The following PRODH2 variants were observed in gnomAD, a reference collection of about 807,000 sequenced individuals.
PRODH2 encodes the protein hydroxyproline dehydrogenase.
Under a neutral mutation model 51.9 loss-of-function variants are expected in PRODH2, and 49 were observed. The observed-to-expected ratio is 0.94, with a 90% CI of 0.75 to 1.20. The LOEUF is 1.20. PRODH2 is among the 50% of genes most tolerant of loss of function. PRODH2 has a pLI of 0.00. For synonymous variants in PRODH2, 249 were observed against 260.7 expected (o/e 0.96, Z 0.43); for missense variants, 597 against 610.9 (o/e 0.98, Z 0.24).
At chr19:35,802,451 C>A (rs1599817399) in intron 8 of PRODH2, 175 bp from the exon 9 acceptor site, 2 of 654,328 alleles carry the variant, frequency 3.1e-6, no homozygotes, top group Middle Eastern at 3.3e-4. Context: ...TGACTCCCAG[C>A]CAGTTCCCTG....
Position 35,807,052 on chromosome 19 carries a change from G to A in PRODH2, c.667C>T (p.Arg223Trp), listed in dbSNP as rs141696829. 67 of 1,550,600 alleles carry A rather than the reference G, an allele frequency of 4.3e-5. No homozygotes were observed. In the African/African-American group the frequency reaches 4.7e-4, roughly 11 times the overall value. Residue 223 changes from arginine to tryptophan, a missense_variant, in exon 5 of 10, where the codon CGG becomes TGG. Coordinates refer to ENST00000653904, the MANE Select transcript of PRODH2 (RefSeq NM_021232.2). ...GCAGGAGGGGTTACCTGTGCCACCC[G>A]ATGCAGGCGGCTGAGGGAGGCCCGG... is the stretch of plus-strand genomic sequence containing the variant. Reference protein sequence around the residue: ...HLRASLSRLHRVAQYARAQHV... With the variant: ...HLRASLSRLHWVAQYARAQHV...
At position 35,806,774 on chromosome 19, in the gene PRODH2, G is replaced by A. The variant is rs780531965; in HGVS notation, c.735C>T (p.Asn245=). 3.7e-6 allele frequency: 6 copies of A among 1,613,384 alleles called. No individual in the cohort carries two copies. Among genetic ancestry groups the A allele is most frequent in the Non-Finnish European group, 5.1e-6 (6 of 1,179,736 alleles). ...CAGCCACCAGCAGCGAGAGCGCAGG[G>A]TTCAGTGAGGTGTACTCCGCATCCA... ...LLVDAEYTSL[N]PALSLLVAAL... The change falls in exon 6 of 10, where the codon AAC becomes AAT. Residue 245 remains asparagine (N), a synonymous_variant. Transcript: ENST00000653904.
chr19:35,810,128 T>G (rs1391429570), intron 4 of PRODH2, among the ~76,000 whole-genome samples: 3 of 147,274 alleles, frequency 2.0e-5, no homozygotes, highest in Admixed American at 6.9e-5. Flanking sequence ...ATTAGCCAGG[T>G]GTAATGGCAG....
chr19:35,805,795 G>A (rs531091457), intron 7 of PRODH2, among the ~76,000 whole-genome samples: 2 of 152,240 alleles, frequency 1.3e-5, no homozygotes, highest in Admixed American at 1.3e-4. Flanking sequence ...AGCGTGGCTA[G>A]GCCACCTGCT....
intron 8 of PRODH2, among the ~76,000 whole-genome samples, chr19:35,802,705 G>A (rs1241549255): frequency 2.0e-5 from 3 of 151,602 alleles, no homozygotes; most frequent in Non-Finnish European, 4.4e-5. Context: ...ACAGGTGTGC[G>A]CCACCACACC....
intron 4 of PRODH2, among the ~76,000 whole-genome samples, chr19:35,808,820 T>C (rs1377771826): frequency 6.7e-6 from 1 of 148,700 alleles, no homozygotes; most frequent in Non-Finnish European, 1.5e-5. Flanking sequence ...TTCTTTTTTT[T>C]TTTTTTTTGA....
intron 1 of PRODH2, 24 bp downstream of exon 1, chr19:35,812,608 C>A: frequency 1.3e-6 from 2 of 1,598,062 alleles, no homozygotes; most frequent in South Asian, 1.1e-5. Flanking sequence ...AGCCTCCAGG[C>A]TGGTCCTCAG....
chr19:35,800,130 T>G lies in PRODH2; in HGVS notation c.1291A>C (p.Ser431Arg). ...YLIRRAQENR[S>R]VLQGARREQE... ...TCCCTGCGGGCACCCTGAAGCACGC[T>G]CCGGTTCTCCTGGGCCCTCCGGATC... Residue 431 changes from serine (S) to arginine (R), a missense_variant, in exon 10 of 10, where the codon AGC becomes CGC. Physicochemically the swap from Ser to Arg is moderately radical, Grantham distance 110. Coordinates refer to ENST00000653904, the MANE Select transcript of PRODH2 (RefSeq NM_021232.2). The G allele has an allele frequency of 6.2e-7, 1 of 1,608,622 alleles. No individual in the cohort carries two copies. Among genetic ancestry groups the G allele is most frequent in the African/African-American group, 1.3e-5 (1 of 74,946 alleles).
At chr19:35,800,299 G>T in intron 9 of PRODH2, 77 bp from the exon 10 acceptor site, 1 of 1,328,022 alleles carries the variant, frequency 7.5e-7, no homozygotes, top group Non-Finnish European at 1.0e-6. Flanking sequence ...GCCCAGGCTG[G>T]AGTGCAGTGG....
rs139352995 is a variant in PRODH2 at position 35,806,723 on chromosome 19, C to T, written c.786G>A (p.Pro262=). 5.0e-5 allele frequency: 80 copies of T among 1,613,932 alleles called. No homozygotes were observed. The African/African-American group carries it at 6.4e-4, about 13-fold the overall frequency. The change falls in exon 6 of 10, where the codon CCG becomes CCA. Residue 262 remains proline, a synonymous_variant. Coordinates refer to ENST00000653904, the MANE Select transcript of PRODH2 (RefSeq NM_021232.2). Reference sequence around the variant, plus strand: ...TCCACACCCAGGGCCCGCCTTCACCCGGGCTGTTCCAGCGCACAGCCAGGG... The same window carrying T: ...TCCACACCCAGGGCCCGCCTTCACCTGGGCTGTTCCAGCGCACAGCCAGGG... ...VAALAVRWNS[P]GEGGPWVWNT... is the part of the protein sequence containing the mutation.
chr19:35,803,576 G>A (rs1283154653), intron 7 of PRODH2, among the ~76,000 whole-genome samples: 1 of 152,190 alleles, frequency 6.6e-6, no homozygotes, highest in African/African-American at 2.4e-5. Flanking sequence ...TCTTGTCACT[G>A]TGAGTTTCCG....
intron 4 of PRODH2, among the ~76,000 whole-genome samples, chr19:35,811,452 G>A (rs971957047): frequency 1.9e-5 from 2 of 103,410 alleles, no homozygotes; most frequent in Admixed American, 1.1e-4. Flanking sequence ...AGGAAGGAAG[G>A]AAGGAAGGGA....
At position 35,800,026 on chromosome 19, in the gene PRODH2, C is replaced by T; in HGVS notation, c.*12G>A. 2 of 1,605,074 alleles carry T rather than the reference C, an allele frequency of 1.2e-6. No homozygotes were observed. The highest frequency in any genetic ancestry group is 4.5e-5 in the East Asian group (2 of 44,770). On this transcript the variant is annotated 3_prime_UTR_variant, in exon 10 of 10. Coordinates refer to ENST00000653904, the MANE Select transcript of PRODH2 (RefSeq NM_021232.2). ...AAGGACTTTTATTGACCACATGACC[C>T]CCTCAGGGGTGCTAGTGGGGTATCC...
chr19:35,809,010 C>T (rs962891993), intron 4 of PRODH2, among the ~76,000 whole-genome samples: 1 of 150,632 alleles, frequency 6.6e-6, no homozygotes, highest in Non-Finnish European at 1.5e-5. Flanking sequence ...AAACTCCTGA[C>T]CTCAAGTGAT....
chr19:35,812,494 G>T lies in PRODH2; in HGVS notation c.237C>A (p.Ser79=), dbSNP rs777718987. 3 of 1,614,078 alleles carry T rather than the reference G, an allele frequency of 1.9e-6. No homozygotes were observed. Among genetic ancestry groups the T allele is most frequent in the Non-Finnish European group, 2.5e-6 (3 of 1,180,010 alleles). Residue 79 remains serine, a synonymous_variant, in exon 2 of 10, where the codon TCC becomes TCA. Coordinates refer to ENST00000653904, the MANE Select transcript of PRODH2 (RefSeq NM_021232.2). ...SRLSGAFLRA[S]VYGQFVAGET... is the part of the protein sequence containing the mutation. ...CACCAGCCACAAACTGCCCATAGAC[G>T]GATGCTCGGAGAAATGCGCCTGAGA... is the stretch of plus-strand genomic sequence containing the variant.
chr19:35,800,816 C>T (rs1320007450), intron 9 of PRODH2, among the ~76,000 whole-genome samples: 1 of 152,132 alleles, frequency 6.6e-6, no homozygotes, highest in African/African-American at 2.4e-5. Flanking sequence ...CCTCAGCCTC[C>T]TGAATAGCTG....
intron 9 of PRODH2, among the ~76,000 whole-genome samples, chr19:35,800,954 A>G (rs910791438): frequency 1.2e-4 from 18 of 152,238 alleles, no homozygotes; most frequent in Admixed American, 1.0e-3. Context: ...CAGTGGCACA[A>G]TCTCAGCACA....
In PRODH2 at chr19:35,812,140, C is replaced by T; in HGVS notation, c.504G>A (p.Arg168=). 6.2e-7 allele frequency: 1 copy of T among 1,614,058 alleles called. No individual in the cohort carries two copies. The highest frequency in any genetic ancestry group is 8.5e-7 in the Non-Finnish European group (1 of 1,179,972). Residue 168 remains arginine (R), a synonymous_variant, in exon 3 of 10, where the codon CGG becomes CGA. Transcript: ENST00000653904. ...QLKVTALTST[R]LCKELASWVR... ...CCGTCTTTGCACTCCTTACACAGAG[C>T]CGAGTACTGGTCAGCGCCGTCACCT...
intron 9 of PRODH2, among the ~76,000 whole-genome samples, chr19:35,800,850 G>A (rs181369792): frequency 7.9e-5 from 12 of 152,020 alleles, no homozygotes; most frequent in Admixed American, 2.6e-4. Flanking sequence ...GCACCTCCAC[G>A]CCCAGCTAAC....
Sources: gnomAD v4.1 joint callset for allele counts (sites outside exome capture counted in the v4.1 genomes callset) on GRCh38, gnomAD v4.1.1 for gene constraint, MANE v1.5 for transcripts, NCBI Gene and HGNC (gene_info 2026-07-23, HGNC 2026-07-21) for gene names.